GPC4: variants seen among roughly 807,000 people sequenced by gnomAD.
The protein encoded by GPC4 is glypican 4, also known as glypican-4.
In GPC4, 10 loss-of-function variants were observed where a neutral mutation model predicts 35.0. That is an observed-to-expected ratio of 0.29 (90% CI 0.18 to 0.48). The LOEUF is 0.48. GPC4 is among the 20% of genes least tolerant of loss of function. The pLI is 0.99. For missense variants in GPC4, 322 were observed against 451.3 expected (o/e 0.71, Z 2.60); for synonymous variants, 167 against 170.2 (o/e 0.98, Z 0.15).
intron 1 of GPC4, among the ~76,000 whole-genome samples, chrX:133,343,587 G>GT (rs934940360): frequency 9.0e-6 from 1 of 111,454 alleles, no homozygotes; most frequent in Non-Finnish European, 1.9e-5. Flanking sequence ...CCCTTGATTA[G>GT]TTTTTTTCTT....
chrX:133,414,359 T>C (rs993068359), intron 1 of GPC4: 1 of 376,348 alleles, frequency 2.7e-6, no homozygotes, highest in Admixed American at 9.7e-5. Flanking sequence ...CACACCCCAC[T>C]GGCGACCCCC....
chrX:133,414,418 T>G, intron 1 of GPC4: 1 of 634,457 alleles, frequency 1.6e-6, no homozygotes, highest in Non-Finnish European at 1.9e-6. Context: ...GGGCGTCCTA[T>G]AAGGAGTTCA....
chrX:133,370,789 T>G (rs1283849332), intron 1 of GPC4, among the ~76,000 whole-genome samples: 1 of 111,656 alleles, frequency 9.0e-6, no homozygotes, highest in Non-Finnish European at 1.9e-5. Flanking sequence ...AAAAAATCCA[T>G]AGAACTGCTA....
intron 1 of GPC4, among the ~76,000 whole-genome samples, chrX:133,374,510 T>C (rs967239632): frequency 9.0e-6 from 1 of 110,605 alleles, no homozygotes; most frequent in Non-Finnish European, 1.9e-5. Context: ...ATCGCAGGAG[T>C]TGGGGGTGAA....
intron 2 of GPC4, among the ~76,000 whole-genome samples, chrX:133,336,118 T>C (rs774557331): frequency 8.9e-6 from 1 of 112,088 alleles, no homozygotes; most frequent in Non-Finnish European, 1.9e-5. Flanking sequence ...GATAATTCTT[T>C]GGCCAAAGCA....
intron 1 of GPC4, among the ~76,000 whole-genome samples, chrX:133,373,611 C>T (rs774113142): frequency 9.0e-6 from 1 of 111,389 alleles, no homozygotes; most frequent in African/African-American, 3.3e-5. Context: ...TTTCCCATCA[C>T]CAGGGCTCAG....
intron 3 of GPC4, among the ~76,000 whole-genome samples, chrX:133,318,123 T>C (rs2068347066): frequency 9.0e-6 from 1 of 111,715 alleles, no homozygotes; most frequent in South Asian, 3.8e-4. Flanking sequence ...ACACCTCCTG[T>C]ACTCCTACCA....
intron 1 of GPC4, among the ~76,000 whole-genome samples, chrX:133,389,019 C>T (rs1261877700): frequency 2.1e-5 from 2 of 97,251 alleles, no homozygotes; most frequent in African/African-American, 7.8e-5. Context: ...TGCAGTGGCA[C>T]AATCTGAGCT....
intron 1 of GPC4, among the ~76,000 whole-genome samples, chrX:133,405,681 C>T (rs758553168): frequency 1.7e-4 from 19 of 111,963 alleles, no homozygotes; most frequent in South Asian, 1.1e-3. Context: ...TGATTCCCAT[C>T]GGCCCCCAAC....
At chrX:133,308,440 C>G (rs923871504) in intron 4 of GPC4, among the ~76,000 whole-genome samples, 5 of 112,284 alleles carry the variant, frequency 4.5e-5, no homozygotes, top group East Asian at 2.8e-4. Context: ...TCTCCAGAAA[C>G]TGACTTTTGT....
intron 3 of GPC4, among the ~76,000 whole-genome samples, chrX:133,319,170 G>A (rs772094778): frequency 5.4e-5 from 6 of 111,025 alleles, no homozygotes; most frequent in East Asian, 2.8e-4. Flanking sequence ...TAGGCCGGGC[G>A]CAGTGGCTTA....
At chrX:133,364,792 G>A (rs1461702796) in intron 1 of GPC4, among the ~76,000 whole-genome samples, 1 of 112,077 alleles carries the variant, frequency 8.9e-6, no homozygotes, top group African/African-American at 3.2e-5. Flanking sequence ...ATCTAGACAC[G>A]AATGCTGCTG....
At chrX:133,325,287 TGAGA>T (rs778491465) in intron 2 of GPC4, among the ~76,000 whole-genome samples, 6 of 109,492 alleles carry the variant, frequency 5.5e-5, no homozygotes, top group Non-Finnish European at 9.5e-5. Context: ...TGTGTGTGTG[TGAGA>T]GAGAGAGACA....
chrX:133,387,692 G>GC lies in GPC4; in HGVS notation c.160+27113_160+27114insG, dbSNP rs1183630070. Among the ~76,000 whole-genome samples, 3 of 112,048 alleles carry GC rather than the reference G, an allele frequency of 2.7e-5. No individual in the cohort carries two copies. The East Asian group carries it at 8.4e-4, about 31-fold the overall frequency. ...CCCAATAAGTCTATCATTTGTAATA[G>GC]AGGCAGTGTTTCCTGTAAATGAGCG... is the stretch of plus-strand genomic sequence containing the variant. On this transcript the variant is annotated intron_variant, in intron 1 of 8. Transcript: ENST00000370828.
intron 2 of GPC4, 29 bp from the exon 3 acceptor site, chrX:133,324,565 A>AG (rs777321722): frequency 1.8e-6 from 2 of 1,091,820 alleles, no homozygotes; most frequent in East Asian, 3.2e-5. Flanking sequence ...AAAAAAAAAA[A>AG]AAAAGGAAAA....
chrX:133,308,665 G>A (rs2068301354), intron 4 of GPC4, among the ~76,000 whole-genome samples: 1 of 111,102 alleles, frequency 9.0e-6, no homozygotes, highest in Non-Finnish European at 1.9e-5. Flanking sequence ...ACAAGAAGAC[G>A]GATTTGGAAA....
At chrX:133,403,302 AG>A (rs956905940) in intron 1 of GPC4, among the ~76,000 whole-genome samples, 4 of 111,735 alleles carry the variant, frequency 3.6e-5, no homozygotes, top group African/African-American at 1.3e-4. Flanking sequence ...TCTGGAGGCC[AG>A]GAAGTCCAAG....
intron 1 of GPC4, among the ~76,000 whole-genome samples, chrX:133,405,907 C>T (rs1304552914): frequency 8.9e-6 from 1 of 111,971 alleles, no homozygotes; most frequent in Non-Finnish European, 1.9e-5. Flanking sequence ...TTCTGAAGGC[C>T]TTTTCTCCAC....
At chrX:133,348,244 A>C (rs1339020678) in intron 1 of GPC4, among the ~76,000 whole-genome samples, 2 of 112,312 alleles carry the variant, frequency 1.8e-5, no homozygotes, top group Non-Finnish European at 3.8e-5. Flanking sequence ...ACTATACCAA[A>C]GGTTTATTAA....
Sources: allele counts gnomAD v4.1 joint callset (sites outside exome capture counted in the v4.1 genomes callset), GRCh38; gene constraint gnomAD v4.1.1; transcripts MANE v1.5; gene names NCBI Gene and HGNC (gene_info 2026-07-23, HGNC 2026-07-21).